Variants in SLC39A10 observed in about 807,000 individuals in gnomAD.
SLC39A10 encodes the protein zinc transporter ZIP10.
SLC39A10 carries 13 observed loss-of-function variants against 65.1 expected under a neutral mutation model. The ratio of observed to expected loss-of-function variants is 0.20; its 90% CI spans 0.13 to 0.32. SLC39A10 has a LOEUF of 0.32. SLC39A10 is among the 10% of genes least tolerant of loss of function. The pLI, the probability that SLC39A10 is intolerant of heterozygous loss-of-function variation, is 1.00. For missense variants in SLC39A10, 831 were observed against 1,018.4 expected, an observed-to-expected ratio of 0.82 and a Z score of 2.50; for synonymous variants, 321 against 342.2, an observed-to-expected ratio of 0.94 and a Z score of 0.68.
intron 1 of SLC39A10, among the ~76,000 whole-genome samples, chr2:195,659,758 A>G (rs1381382176): frequency 6.6e-6 from 1 of 152,210 alleles, no homozygotes; most frequent in Non-Finnish European, 1.5e-5. Flanking sequence ...TGAGATAACC[A>G]AAAGGCTGAA....
intron 1 of SLC39A10, chr2:195,674,569 A>T: frequency 1.0e-5 from 10 of 985,124 alleles, no homozygotes; most frequent in Non-Finnish European, 1.1e-5. Flanking sequence ...GAACCACTGC[A>T]CCCGGCCTGC....
chr2:195,616,853 T>G (rs1474849706), intron 2 of SLC39A10, among the ~76,000 whole-genome samples: 4 of 152,140 alleles, frequency 2.6e-5, no homozygotes, highest in African/African-American at 9.6e-5. Flanking sequence ...TCCGCCCACC[T>G]CAGCCTCCCG....
chr2:195,734,715 A>C (rs1692532990), intron 9 of SLC39A10, among the ~76,000 whole-genome samples, 168 bp from the exon 10 acceptor site: 1 of 152,218 alleles, frequency 6.6e-6, no homozygotes, highest in African/African-American at 2.4e-5. Flanking sequence ...AAATTTCTTC[A>C]GTATTTGACT....
rs375803340 is a variant in SLC39A10, at chr2:195,657,228, A to G, written c.-65A>G. The G allele has an allele frequency of 9.4e-5, 22 of 235,148 alleles. No homozygotes were observed. The East Asian group carries it at 3.8e-3, about 41-fold the overall frequency. 14.6% of individuals were successfully genotyped at this position (235,148 alleles called of 1,614,324 possible). A position where few individuals can be genotyped will look rare whatever the true frequency, so the allele number is the denominator to read the frequency against. On this transcript the variant is annotated 5_prime_UTR_variant, in exon 1 of 10. Coordinates refer to ENST00000359634, the MANE Select transcript of SLC39A10 (RefSeq NM_020342.3). ...CTTTGGTGAATACACGATTTGGTGC[A>G]GCCGGGGTTTGGTACCGAGCGGAGA... is the stretch of plus-strand genomic sequence containing the variant.
rs1690258675 is a variant in SLC39A10, at chr2:195,680,467, T to C, written c.425T>C (p.Val142Ala). Residue 142 changes from valine (V) to alanine (A), a missense_variant, in exon 2 of 10, where the codon GTG becomes GCG. By Grantham distance (64) the Val-to-Ala change is moderately conservative. Around this residue, in one of 4 missense-constraint regions of SLC39A10, gnomAD observed 446 missense variants for 499.2 expected, o/e 0.89. Coordinates refer to ENST00000359634, the MANE Select transcript of SLC39A10 (RefSeq NM_020342.3). Reference protein sequence around the residue: ...HNHLNSENQTVTSVSTKRNHK... With the variant: ...HNHLNSENQTATSVSTKRNHK... The stretch of plus-strand genomic sequence containing the variant: ...CATTTAAATTCAGAAAATCAAACTG[T>C]GACCAGTGTATCCACAAAAAGAAAC... 6.2e-7 allele frequency: 1 copy of C among 1,614,002 alleles called. No homozygotes were observed. Among genetic ancestry groups the C allele is most frequent in the Admixed American group, 1.7e-5 (1 of 60,000 alleles).
At chr2:195,625,195 C>A (rs968561511) in intron 2 of SLC39A10, among the ~76,000 whole-genome samples, 4 of 108,296 alleles carry the variant, frequency 3.7e-5, no homozygotes, top group South Asian at 3.4e-4. Context: ...CCAGCCTGTG[C>A]GACAGAGGGA....
intron 2 of SLC39A10, among the ~76,000 whole-genome samples, chr2:195,651,508 C>T (rs1559015787): frequency 6.6e-6 from 1 of 152,022 alleles, no homozygotes; most frequent in African/African-American, 2.4e-5. Context: ...AGAGTCTTGC[C>T]ATGTCACCCA....
chr2:195,646,651 C>CCCGGTAAGG (rs1265488571), intron 2 of SLC39A10, among the ~76,000 whole-genome samples: 1 of 134,634 alleles, frequency 7.4e-6, no homozygotes, highest in African/African-American at 2.8e-5. Context: ...CCCCTACAGA[C>CCCGGTAAGG]CCGGTAAGGC....
At position 195,718,247 on chromosome 2, in the gene SLC39A10, C is replaced by T; in HGVS notation, c.2066-5C>T. The stretch of plus-strand genomic sequence containing the variant: ...CTCACTTGTTTTTTTTCTTATCTTC[C>T]TCAGGTGCAGCTTTCAGTGCTGGAT... On this transcript the variant is annotated splice_region_variant and splice_polypyrimidine_tract_variant and intron_variant, in intron 7 of 9. Coordinates refer to ENST00000359634, the MANE Select transcript of SLC39A10 (RefSeq NM_020342.3). The T allele has an allele frequency of 6.2e-7, 1 of 1,602,840 alleles. No homozygotes were observed. The highest frequency in any genetic ancestry group is 8.5e-7 in the Non-Finnish European group (1 of 1,172,476).
chr2:195,709,190 A>T (rs1691514598), intron 5 of SLC39A10, among the ~76,000 whole-genome samples: 1 of 144,368 alleles, frequency 6.9e-6, no homozygotes, highest in African/African-American at 2.6e-5. Context: ...ATGCCCAGCT[A>T]ACTTGTATGT....
At chr2:195,734,452 G>A (rs540269056) in intron 9 of SLC39A10, among the ~76,000 whole-genome samples, 5 of 152,280 alleles carry the variant, frequency 3.3e-5, no homozygotes, top group South Asian at 2.1e-4. Flanking sequence ...GTGAGCCACC[G>A]TGCCCGGCCC....
chr2:195,699,183 C>T (rs1481170605), intron 3 of SLC39A10, among the ~76,000 whole-genome samples: 1 of 151,894 alleles, frequency 6.6e-6, no homozygotes, highest in Non-Finnish European at 1.5e-5. Context: ...TGTATCTTCT[C>T]TCTTTTTCTT....
At chr2:195,647,253 CT>C (rs1688941164) in intron 2 of SLC39A10, among the ~76,000 whole-genome samples, 1 of 152,050 alleles carries the variant, frequency 6.6e-6, no homozygotes, top group South Asian at 2.1e-4. Flanking sequence ...GTCTACCACC[CT>C]AGTCGTATGA....
intron 8 of SLC39A10, among the ~76,000 whole-genome samples, chr2:195,725,939 A>C (rs1692220599): frequency 6.6e-6 from 1 of 152,208 alleles, no homozygotes; most frequent in Non-Finnish European, 1.5e-5. Context: ...TTGGTTGCCT[A>C]AGGGCAAGTG....
rs1258231003 is a variant in SLC39A10 at position 195,703,763 on chromosome 2, C to G, written c.1217-2853C>G. Among the ~76,000 whole-genome samples, 3 of 152,160 alleles carry G rather than the reference C, an allele frequency of 2.0e-5. No individual in the cohort carries two copies. In the East Asian group the frequency reaches 5.8e-4, roughly 29 times the overall value. On this transcript the variant is annotated intron_variant, in intron 3 of 9. Coordinates refer to ENST00000359634, the MANE Select transcript of SLC39A10 (RefSeq NM_020342.3). ...CAGCCTCCCAGGCTCCAGCCATCCT[C>G]TCACCTCAGCCTCCCAAGGAGCTTG...
intron 3 of SLC39A10, among the ~76,000 whole-genome samples, chr2:195,694,756 G>T (rs139108630): frequency 1.3e-5 from 2 of 152,200 alleles, no homozygotes; most frequent in Non-Finnish European, 2.9e-5. Context: ...GCTTTCAAGA[G>T]TGCATCAGCT....
intron 1 of SLC39A10, among the ~76,000 whole-genome samples, chr2:195,676,048 A>T (rs115492555): frequency 1.4e-3 from 212 of 151,938 alleles, no homozygotes; most frequent in African/African-American, 4.7e-3. Flanking sequence ...TTCTTTTCAT[A>T]GTTGTCTATG....
chr2:195,700,186 G>A (rs1410109473), intron 3 of SLC39A10, among the ~76,000 whole-genome samples: 2 of 152,116 alleles, frequency 1.3e-5, no homozygotes, highest in African/African-American at 4.8e-5. Context: ...ATTTCTGTCA[G>A]TTGATTGGAG....
At chr2:195,625,564 A>G (rs1244839326) in intron 2 of SLC39A10, among the ~76,000 whole-genome samples, 5 of 152,128 alleles carry the variant, frequency 3.3e-5, no homozygotes, top group Non-Finnish European at 7.4e-5. Flanking sequence ...GGCCTGAGCC[A>G]CTGCGCCCAG....
Sources: gnomAD v4.1 joint callset for allele counts (sites outside exome capture counted in the v4.1 genomes callset) on GRCh38, gnomAD v4.1.1 for gene constraint, gnomAD v4.1.1 regional missense constraint, MANE v1.5 for transcripts, NCBI Gene and HGNC (gene_info 2026-07-23, HGNC 2026-07-21) for gene names.